Variants in ARHGEF19 observed in about 807,000 individuals in gnomAD.
ARHGEF19 encodes the protein Rho guanine nucleotide exchange factor (GEF) 19.
A neutral mutation model predicts 87.6 loss-of-function variants in ARHGEF19; 92 were observed. The observed-to-expected ratio is 1.05, with a 90% confidence interval of 0.89 to 1.25. The LOEUF is 1.25. Ranked by LOEUF, ARHGEF19 falls within the 50% of genes most tolerant of loss-of-function variation. The probability of loss-of-function intolerance (pLI) is 0.00; values close to 1 mark genes in which losing one functional copy is unlikely to be tolerated. For missense variants in ARHGEF19, 1,054 were observed against 1,051.8 expected (o/e 1.00, Z -0.03); for synonymous variants, 438 against 446.2 (o/e 0.98, Z 0.23).
Position 16,206,896 on chromosome 1 carries a change from C to T in ARHGEF19, c.1137+52G>A, listed in dbSNP as rs928842426. On this transcript the variant is annotated intron_variant, in intron 6 of 15. Coordinates refer to ENST00000270747, the MANE Select transcript of ARHGEF19 (RefSeq NM_153213.5). The surrounding 1 kb of genome is among the most constrained non-coding windows in gnomAD (Gnocchi z 4.6). The stretch of plus-strand genomic sequence containing the variant: ...GCCCGGTTCCCGCTAAGTCCCCGGA[C>T]CGCGTACTCCCCGGCCCGCCCCCGC... 1.1e-5 allele frequency: 15 copies of T among 1,410,024 alleles called. No homozygotes were observed. Among genetic ancestry groups the T allele is most frequent in the African/African-American group, 1.5e-5 (1 of 65,862 alleles). The allele number at this position is 1,410,024 out of a possible 1,614,324, so 87.3% of individuals were successfully genotyped here.
Position 16,207,759 on chromosome 1 carries a change from T to A in ARHGEF19, c.713A>T (p.Glu238Val). 1 of 1,613,970 alleles carries A rather than the reference T, an allele frequency of 6.2e-7. No individual in the cohort carries two copies. The highest frequency in any genetic ancestry group is 2.2e-5 in the East Asian group (1 of 44,868). ...AAREGKASGM[E>V]ARSVEMSGDR... is the part of the protein sequence containing the mutation. ...CCCGCTCATCTCTACACTTCGAGCC[T>A]CCATTCCAGATGCTTTCCCTGGAGA... The change falls in exon 4 of 16, where the codon GAG becomes GTG. Residue 238 changes from glutamate to valine, a missense_variant. Physicochemically the swap from Glu to Val is moderately radical, Grantham distance 121 (BLOSUM62 -2). Transcript: ENST00000270747. The surrounding 1 kb of genome is among the most constrained non-coding windows in gnomAD (Gnocchi z 4.0).
Position 16,207,422 on chromosome 1 carries a change from T to G in ARHGEF19, c.874+100A>C. On this transcript the variant is annotated intron_variant, in intron 5 of 15. Coordinates refer to ENST00000270747, the MANE Select transcript of ARHGEF19 (RefSeq NM_153213.5). The surrounding 1 kb of genome is among the most constrained non-coding windows in gnomAD (Gnocchi z 4.0). ...GACAGTTCCATTCTCCGTTTCTCAC[T>G]CGATCCCTACCTCTCAACTCTCCAA... 2 of 1,481,026 alleles carry G rather than the reference T, an allele frequency of 1.4e-6. No individual in the cohort carries two copies. Among genetic ancestry groups the G allele is most frequent in the East Asian group, 4.7e-5 (2 of 43,004 alleles). The allele number at this position is 1,481,026 out of a possible 1,614,324, so 91.7% of individuals were successfully genotyped here. A position where few individuals can be genotyped will look rare whatever the true frequency, so the allele number is the denominator to read the frequency against.
Position 16,207,801 on chromosome 1 carries a change from TG to T in ARHGEF19, c.695-25del. ...CCCTGGAGAGGGCGAGAACTGAGGG[TG>T]GGGGGTCCAGAGAGTGGGCCTGGGG... On this transcript the variant is annotated intron_variant, in intron 3 of 15. Transcript: ENST00000270747. The surrounding 1 kb of genome is among the most constrained non-coding windows in gnomAD (Gnocchi z 4.0). 4 of 1,611,770 alleles carry T rather than the reference TG, an allele frequency of 2.5e-6. No individual in the cohort carries two copies. The highest frequency in any genetic ancestry group is 3.4e-6 in the Non-Finnish European group (4 of 1,179,572).
chr1:16,208,325 C>T (rs749030936), intron 2 of ARHGEF19, 100 bp from the exon 3 acceptor site: 8 of 1,407,352 alleles, frequency 5.7e-6, no homozygotes, highest in Admixed American at 2.4e-5. Context: ...GGTTCAGGCA[C>T]CATGCCCAAG....
chr1:16,199,335 T>G (rs2081066175), intron 14 of ARHGEF19, 81 bp from the exon 15 acceptor site: 7 of 1,169,080 alleles, frequency 6.0e-6, no homozygotes, highest in Non-Finnish European at 7.7e-6. Flanking sequence ...GGAGGGGCAG[T>G]AGGAGGAAGT....
chr1:16,209,634 C>T (rs994504622), intron 1 of ARHGEF19, among the ~76,000 whole-genome samples: 1 of 152,212 alleles, frequency 6.6e-6, no homozygotes, highest in Non-Finnish European at 1.5e-5. Context: ...TTTTACACAA[C>T]CGCATACATT....
Position 16,207,726 on chromosome 1 carries a change from AC to A in ARHGEF19, c.745del (p.Val249CysfsTer19). On this transcript the variant is annotated frameshift_variant, in exon 4 of 16. Coordinates refer to ENST00000270747, the MANE Select transcript of ARHGEF19 (RefSeq NM_153213.5). LOFTEE classifies it high-confidence loss of function. The surrounding 1 kb of genome is among the most constrained non-coding windows in gnomAD (Gnocchi z 4.0). ...TGAGTCACCAGGGGCTGGCCGCGAC[AC>A]CCGGTCCCCGCTCATCTCTACACTT... The part of the protein sequence containing the change: ...ARSVEMSGDR[V>X]SRPAPGDSRE... 1 of 1,613,772 alleles carries A rather than the reference AC, an allele frequency of 6.2e-7. No homozygotes were observed. Among genetic ancestry groups the A allele is most frequent in the Non-Finnish European group, 8.5e-7 (1 of 1,180,002 alleles).
At position 16,204,777 on chromosome 1, in the gene ARHGEF19, A is replaced by G; in HGVS notation, c.1889T>C (p.Leu630Pro). Residue 630 changes from leucine (L) to proline (P), a missense_variant, in exon 12 of 16, where the codon CTG becomes CCG. Coordinates refer to ENST00000270747, the MANE Select transcript of ARHGEF19 (RefSeq NM_153213.5). ...GACTCACTCCTTCCGCCGAGAGAGC[A>G]GCAAGCAGTCATTGAAGAGGTGGAG... ...VYLHLFNDCL[L>P]LSRRKELGKF... 6.2e-7 allele frequency: 1 copy of G among 1,606,010 alleles called. No homozygotes were observed. Among genetic ancestry groups the G allele is most frequent in the Non-Finnish European group, 8.5e-7 (1 of 1,174,076 alleles).
chr1:16,201,870 G>T lies in ARHGEF19; in HGVS notation c.2067-9C>A. 2 of 1,613,240 alleles carry T rather than the reference G, an allele frequency of 1.2e-6. No individual in the cohort carries two copies. Among genetic ancestry groups the T allele is most frequent in the South Asian group, 1.1e-5 (1 of 90,890 alleles). ...ATCGCTGCTTCTCACTTCTAGGGAA[G>T]GGGGAGGCTAAGTTGTCACAATATG... On this transcript the variant is annotated splice_polypyrimidine_tract_variant and intron_variant, in intron 13 of 15. Coordinates refer to ENST00000270747, the MANE Select transcript of ARHGEF19 (RefSeq NM_153213.5).
chr1:16,205,680 G>A lies in ARHGEF19; in HGVS notation c.1452-13C>T. On this transcript the variant is annotated splice_polypyrimidine_tract_variant and intron_variant, in intron 8 of 15. Coordinates refer to ENST00000270747, the MANE Select transcript of ARHGEF19 (RefSeq NM_153213.5). This position sits in a 1 kb window ranked among gnomAD's most constrained non-coding sequence, Gnocchi z 5.8. ...GGGGTTCTCCAGGCTGGAAAATGGG[G>A]AGGACTCTGGAATCACAGGTAGGCC... 6 of 1,598,390 alleles carry A rather than the reference G, an allele frequency of 3.8e-6. No homozygotes were observed. The highest frequency in any genetic ancestry group is 5.1e-6 in the Non-Finnish European group (6 of 1,173,776).
At chr1:16,202,955 C>A (rs1276622433) in intron 12 of ARHGEF19, among the ~76,000 whole-genome samples, 2 of 152,180 alleles carry the variant, frequency 1.3e-5, no homozygotes, top group African/African-American at 4.8e-5. Context: ...CGGCTCACCA[C>A]AACCTCCGCC....
chr1:16,205,660 T>C lies in ARHGEF19; in HGVS notation c.1459A>G (p.Asn487Asp), dbSNP rs764447582. 1 of 1,607,826 alleles carries C rather than the reference T, an allele frequency of 6.2e-7. No individual in the cohort carries two copies. The stretch of plus-strand genomic sequence containing the variant: ...GCCAGGATGCCAGGGAACCTGGGGT[T>C]CTCCAGGCTGGAAAATGGGGAGGAC... Reference protein sequence around the residue: ...ERTYQRLLLENPRFPGILARL... With the variant: ...ERTYQRLLLEDPRFPGILARL... The change falls in exon 9 of 16, where the codon AAC becomes GAC. Residue 487 changes from asparagine (N) to aspartate (D), a missense_variant. By Grantham distance (23) the Asn-to-Asp change is conservative. Transcript: ENST00000270747. The surrounding 1 kb of genome is among the most constrained non-coding windows in gnomAD (Gnocchi z 5.8).
Position 16,206,457 on chromosome 1 carries a change from C to A in ARHGEF19, c.1138-117G>T. The A allele has an allele frequency of 8.3e-7, 1 of 1,208,486 alleles. No individual in the cohort carries two copies. The highest frequency in any genetic ancestry group is 1.3e-5 in the South Asian group (1 of 74,208). The allele number at this position is 1,208,486 out of a possible 1,614,324, so 74.9% of individuals were successfully genotyped here. A position where few individuals can be genotyped will look rare whatever the true frequency, so the allele number is the denominator to read the frequency against. On this transcript the variant is annotated intron_variant, in intron 6 of 15. Coordinates refer to ENST00000270747, the MANE Select transcript of ARHGEF19 (RefSeq NM_153213.5). This position sits in a 1 kb window ranked among gnomAD's most constrained non-coding sequence, Gnocchi z 4.6. ...TCGCGTCCTCGCCCCTTCTCTAGCC[C>A]CACTCCTAATCTGGCGCCGGGCGGG...
In ARHGEF19 at chr1:16,199,267, G is replaced by A; in HGVS notation, c.2147-13C>T. ...ACCTGGGGGCAATCTGACAGCCCAA[G>A]GGAGGCTCAGGGAGTCCCAAGGGCA... On this transcript the variant is annotated splice_polypyrimidine_tract_variant and intron_variant, in intron 14 of 15. Coordinates refer to ENST00000270747, the MANE Select transcript of ARHGEF19 (RefSeq NM_153213.5). 1 of 1,612,892 alleles carries A rather than the reference G, an allele frequency of 6.2e-7. No homozygotes were observed. The highest frequency in any genetic ancestry group is 8.5e-7 in the Non-Finnish European group (1 of 1,178,992).
intron 13 of ARHGEF19, among the ~76,000 whole-genome samples, chr1:16,202,141 GT>G (rs916594176): frequency 9.2e-5 from 14 of 152,342 alleles, no homozygotes; most frequent in African/African-American, 3.4e-4. Context: ...AGATAGCAGG[GT>G]GTGGAGGTTT....
intron 2 of ARHGEF19, 84 bp downstream of exon 2, chr1:16,208,559 G>A: frequency 6.9e-7 from 1 of 1,453,956 alleles, no homozygotes; most frequent in South Asian, 1.4e-5. Context: ...GGGAACCTTG[G>A]GACATAAAGG....
chr1:16,203,155 G>T (rs1390293904), intron 12 of ARHGEF19, among the ~76,000 whole-genome samples: 1 of 151,162 alleles, frequency 6.6e-6, no homozygotes, highest in Non-Finnish European at 1.5e-5. Context: ...CCACAATTTG[G>T]GCTCAGTAAG....
Position 16,206,480 on chromosome 1 carries a change from G to T in ARHGEF19, c.1138-140C>A. On this transcript the variant is annotated intron_variant, in intron 6 of 15. Transcript: ENST00000270747. The surrounding 1 kb of genome is among the most constrained non-coding windows in gnomAD (Gnocchi z 4.6). ...CCCCACTCCTAATCTGGCGCCGGGC[G>T]GGCCCGGCGACCCACGTCCCGCCGC... 3.2e-6 allele frequency: 3 copies of T among 938,510 alleles called. No homozygotes were observed. Among genetic ancestry groups the T allele is most frequent in the Non-Finnish European group, 3.2e-6 (2 of 620,740 alleles). 58.1% of individuals were successfully genotyped at this position (938,510 alleles called of 1,614,324 possible).
At chr1:16,212,169 G>A (rs1483087946) in intron 1 of ARHGEF19, among the ~76,000 whole-genome samples, 1 of 152,238 alleles carries the variant, frequency 6.6e-6, no homozygotes, top group Admixed American at 6.5e-5. Context: ...CACTTAGCAA[G>A]GCTGCCAGAG....
Sources: allele counts gnomAD v4.1 joint callset (sites outside exome capture counted in the v4.1 genomes callset), GRCh38; gene constraint gnomAD v4.1.1; non-coding constraint Gnocchi (gnomAD v3.1); transcripts MANE v1.5; gene names NCBI Gene and HGNC (gene_info 2026-07-23, HGNC 2026-07-21).